Variants in SASH1 observed in about 807,000 individuals in gnomAD.
SASH1 encodes the protein SAM and SH3 domain containing 1, also known as SAM and SH3 domain-containing protein 1.
SASH1 carries 44 observed loss-of-function variants against 125.2 expected under a neutral mutation model. The ratio of observed to expected loss-of-function variants is 0.35; its 90% CI spans 0.28 to 0.45. SASH1 has a LOEUF of 0.45. SASH1 is among the 20% of genes least tolerant of loss of function. The pLI is 1.00. For missense variants in SASH1, 1,426 were observed against 1,614.5 expected, an observed-to-expected ratio of 0.88 and a Z score of 2.00; for synonymous variants, 639 against 649.1, an observed-to-expected ratio of 0.98 and a Z score of 0.24.
At chr6:148,382,409 C>T (rs946650652) in intron 1 of SASH1, among the ~76,000 whole-genome samples, 2 of 152,172 alleles carry the variant, frequency 1.3e-5, no homozygotes, top group African/African-American at 4.8e-5. Flanking sequence ...CCAGCCTCAG[C>T]CTCCTGAGTA....
At chr6:148,302,818 G>T (rs1780007173) in intron 1 of SASH1, among the ~76,000 whole-genome samples, 1 of 51,614 alleles carries the variant, frequency 1.9e-5, no homozygotes, top group Non-Finnish European at 3.8e-5. Flanking sequence ...CTGACCTCAG[G>T]AGTATATATA....
chr6:148,369,966 C>CGA (rs1782643081), intron 1 of SASH1, among the ~76,000 whole-genome samples: 2 of 93,586 alleles, frequency 2.1e-5, no homozygotes, highest in African/African-American at 8.5e-5. Context: ...AAAAGAAAAA[C>CGA]AAAAAAAAAA....
intron 2 of SASH1, among the ~76,000 whole-genome samples, chr6:148,404,171 A>T (rs1023771898): frequency 4.6e-5 from 7 of 152,196 alleles, no homozygotes; most frequent in African/African-American, 1.4e-4. Flanking sequence ...AATAAGCATA[A>T]ATATTTAATG....
intron 4 of SASH1, among the ~76,000 whole-genome samples, chr6:148,452,084 T>C (rs1583183410): frequency 1.3e-5 from 2 of 152,196 alleles, no homozygotes; most frequent in African/African-American, 4.8e-5. Context: ...CATGAGCTGT[T>C]AGAGCATCCC....
At chr6:148,263,332 A>C in the SASH1 span, among the ~76,000 whole-genome samples, 4 of 152,114 alleles carry the variant, frequency 2.6e-5, no homozygotes, top group East Asian at 7.7e-4. Context: ...TGTCCTGGGG[A>C]AGCAGAAGGC....
chr6:148,348,921 G>A (rs1781606562), intron 1 of SASH1, among the ~76,000 whole-genome samples: 1 of 152,262 alleles, frequency 6.6e-6, no homozygotes, highest in African/African-American at 2.4e-5. Flanking sequence ...CGCCCCGAAG[G>A]CGGTAGGATC....
intron 7 of SASH1, among the ~76,000 whole-genome samples, chr6:148,475,016 A>G (rs1265939638): frequency 1.3e-5 from 2 of 152,192 alleles, no homozygotes; most frequent in African/African-American, 2.4e-5. Context: ...GAGTTAAGTT[A>G]GGCACTACAA....
Position 148,388,404 on chromosome 6 carries a change from TCAGTC to T in SASH1, c.157-1726_157-1722del, listed in dbSNP as rs571912726. ...GGGGTCTCCCACGTTGCCTGCTGTG[TCAGTC>T]CAGGCTGTGGGCTCAGACAGACAAG... On this transcript the variant is annotated intron_variant, in intron 1 of 19. Coordinates refer to ENST00000367467, the MANE Select transcript of SASH1 (RefSeq NM_015278.5). 2.6e-5 allele frequency among the ~76,000 whole-genome samples: 4 copies of T among 152,340 alleles called. No individual in the cohort carries two copies. The East Asian group carries it at 7.7e-4, about 29-fold the overall frequency.
intron 1 of SASH1, among the ~76,000 whole-genome samples, chr6:148,385,928 C>G (rs879558196): frequency 1.4e-4 from 21 of 152,290 alleles, no homozygotes; most frequent in Admixed American, 1.1e-3. Context: ...GCCACTCTAG[C>G]AAATTAATTG....
intron 1 of SASH1, among the ~76,000 whole-genome samples, chr6:148,272,862 T>C (rs566420835): frequency 6.6e-6 from 1 of 151,894 alleles, no homozygotes; most frequent in African/African-American, 2.4e-5. Context: ...ACTGAAGGAG[T>C]TTTCTTCTCA....
intron 4 of SASH1, among the ~76,000 whole-genome samples, chr6:148,467,489 G>A (rs1027459669): frequency 2.6e-5 from 4 of 152,106 alleles, no homozygotes; most frequent in African/African-American, 9.7e-5. Context: ...GATTATTTGG[G>A]TTAATCTGTA....
Position 148,532,748 on chromosome 6 carries a change from G to A in SASH1, c.1565-49G>A, listed in dbSNP as rs746810273. The A allele has an allele frequency of 1.2e-6, 2 of 1,602,492 alleles. No homozygotes were observed. The highest frequency in any genetic ancestry group is 1.7e-5 in the Admixed American group (1 of 59,906). ...ACCTTCAATACCTTTCTGCTTTGCT[G>A]GGTGGGAAATCTGGATCTACCCGTG... On this transcript the variant is annotated intron_variant, in intron 13 of 19. Transcript: ENST00000367467. This position sits in a 1 kb window ranked among gnomAD's most constrained non-coding sequence, Gnocchi z 4.7.
intron 12 of SASH1, 68 bp from the exon 13 acceptor site, chr6:148,531,458 G>A (rs546843872): frequency 9.2e-5 from 124 of 1,349,518 alleles, no homozygotes; most frequent in Middle Eastern, 2.0e-4. Flanking sequence ...AGGCCAAGTC[G>A]CTGAGAATTA....
chr6:148,298,667 G>A (rs113962134), intron 1 of SASH1, among the ~76,000 whole-genome samples: 5,090 of 54,630 alleles, frequency 0.093, 198 homozygotes, highest in Non-Finnish European at 0.12. Context: ...GGGAGGGAGG[G>A]AGGAAGGAAG....
intron 7 of SASH1, among the ~76,000 whole-genome samples, chr6:148,478,190 A>G (rs981070980): frequency 6.6e-6 from 1 of 152,162 alleles, no homozygotes; most frequent in Admixed American, 6.5e-5. Flanking sequence ...TATCTACCCA[A>G]AAGAAGGGAA....
chr6:148,483,165 A>G (rs1391144935), intron 7 of SASH1, among the ~76,000 whole-genome samples: 1 of 152,172 alleles, frequency 6.6e-6, no homozygotes, highest in Non-Finnish European at 1.5e-5. Context: ...GAGATTGGTC[A>G]TCTAGTGAAA....
Position 148,382,306 on chromosome 6 carries a change from G to C in SASH1, c.157-7828G>C, listed in dbSNP as rs146227887. On this transcript the variant is annotated intron_variant, in intron 1 of 19. Transcript: ENST00000367467. ...GCCATGTGTGCAGGTCCATTGTGAA[G>C]AGTGTGACGGTCTCGCTCTGTCACC... is the stretch of plus-strand genomic sequence containing the variant. 4.0e-3 allele frequency among the ~76,000 whole-genome samples: 605 copies of C among 152,196 alleles called. 1 individual carries two copies. The highest frequency in any genetic ancestry group is 6.9e-3 in the South Asian group (33 of 4,812).
chr6:148,262,887 G>A, the SASH1 span, among the ~76,000 whole-genome samples: 1 of 152,108 alleles, frequency 6.6e-6, no homozygotes, highest in East Asian at 1.9e-4. Context: ...AGAAAAGAAA[G>A]AAAGAAAGTA....
At chr6:148,208,059 C>A in the SASH1 span, among the ~76,000 whole-genome samples, 56 of 152,330 alleles carry the variant, frequency 3.7e-4, no homozygotes, top group Admixed American at 1.3e-3. Context: ...CCATCCATTC[C>A]TGCCCCACCT....
Sources: gnomAD v4.1 joint callset for allele counts (sites outside exome capture counted in the v4.1 genomes callset) on GRCh38, gnomAD v4.1.1 for gene constraint, Gnocchi (gnomAD v3.1) non-coding constraint, MANE v1.5 for transcripts, NCBI Gene and HGNC (gene_info 2026-07-23, HGNC 2026-07-21) for gene names.